TMEM131: variants seen among roughly 807,000 people sequenced by gnomAD.
The protein encoded by TMEM131 is 2610524E03Rik.
In TMEM131, 66 loss-of-function variants were observed where a neutral mutation model predicts 211.6. The observed-to-expected ratio is 0.31, with a 90% CI of 0.26 to 0.38. The LOEUF is 0.38. Among genes scored for constraint, TMEM131 ranks in the 10% least tolerant of loss-of-function variants. TMEM131 has a pLI of 1.00. For synonymous variants in TMEM131, 844 were observed against 841.3 expected (o/e 1.00, Z -0.06); for missense variants, 2,036 against 2,299.3 (o/e 0.89, Z 2.34).
chr2:97,927,279 ATAT>A (rs1298616962), intron 2 of TMEM131, 144 bp downstream of exon 2: 1 of 496,916 alleles, frequency 2.0e-6, no homozygotes, highest in African/African-American at 2.0e-5. Flanking sequence ...AGAGGTTTTT[ATAT>A]TACTAAAGAC....
intron 8 of TMEM131, among the ~76,000 whole-genome samples, chr2:97,835,379 TTAC>T (rs1183177340): frequency 2.4e-4 from 37 of 152,304 alleles, no homozygotes; most frequent in Admixed American, 1.4e-3. Flanking sequence ...CCAGCAGGGC[TTAC>T]ACTGCTCTTT....
At chr2:97,977,032 A>G (rs1679569803) in intron 1 of TMEM131, among the ~76,000 whole-genome samples, 1 of 152,144 alleles carries the variant, frequency 6.6e-6, no homozygotes, top group Admixed American at 6.5e-5. Context: ...AATCAATCAC[A>G]GATCTAAATG....
At chr2:97,989,124 A>G (rs1399002799) in intron 1 of TMEM131, among the ~76,000 whole-genome samples, 1 of 152,230 alleles carries the variant, frequency 6.6e-6, no homozygotes, top group Non-Finnish European at 1.5e-5. Context: ...TTTATGAAAA[A>G]GCAGAAAATT....
intron 31 of TMEM131, among the ~76,000 whole-genome samples, chr2:97,776,790 G>C (rs746146819): frequency 1.3e-4 from 20 of 152,210 alleles, no homozygotes; most frequent in Non-Finnish European, 2.5e-4. Context: ...CAGCAGTGTA[G>C]CCATAATGGC....
At chr2:97,779,936 CTTGAGCCCAGGAGT>C (rs1679917320) in intron 31 of TMEM131, among the ~76,000 whole-genome samples, 1 of 152,152 alleles carries the variant, frequency 6.6e-6, no homozygotes, top group African/African-American at 2.4e-5. Context: ...AGGAGGATCT[CTTGAGCCCAGGAGT>C]TTGAGGTTAT....
chr2:97,992,635 G>C (rs1680316036), intron 1 of TMEM131, among the ~76,000 whole-genome samples: 1 of 151,882 alleles, frequency 6.6e-6, no homozygotes, highest in African/African-American at 2.4e-5. Context: ...GATATATAAT[G>C]CTTTTTTAAA....
At chr2:97,987,472 C>T (rs1680077887) in intron 1 of TMEM131, among the ~76,000 whole-genome samples, 1 of 152,076 alleles carries the variant, frequency 6.6e-6, no homozygotes, top group African/African-American at 2.4e-5. Flanking sequence ...CACTGTACTC[C>T]AGCCTGGCAA....
intron 2 of TMEM131, among the ~76,000 whole-genome samples, chr2:97,914,932 T>G (rs1676445312): frequency 6.6e-6 from 1 of 152,250 alleles, no homozygotes; most frequent in Non-Finnish European, 1.5e-5. Context: ...ACCACATGTT[T>G]AGATTTATAC....
rs1288729390 is a variant in TMEM131 at position 97,835,300 on chromosome 2, C to CCA, written c.805-377_805-376dup. On this transcript the variant is annotated intron_variant, in intron 8 of 40. Coordinates refer to ENST00000186436, the MANE Select transcript of TMEM131 (RefSeq NM_015348.2). ...TATATAACTCAGTCTTGAAATTTAA[C>CCA]CAACAGAAATGTCACCATCAGAGGT... is the stretch of plus-strand genomic sequence containing the variant. Among the ~76,000 whole-genome samples, 8 of 152,236 alleles carry CCA rather than the reference C, an allele frequency of 5.3e-5. No individual in the cohort carries two copies. The East Asian group carries it at 1.5e-3, about 29-fold the overall frequency.
intron 31 of TMEM131, among the ~76,000 whole-genome samples, chr2:97,786,026 A>G (rs1269514848): frequency 1.3e-5 from 2 of 152,162 alleles, no homozygotes; most frequent in East Asian, 1.9e-4. Flanking sequence ...TAGGCTGAAG[A>G]AGGAGGGAAG....
At chr2:97,816,296 G>A (rs914049846) in intron 12 of TMEM131, among the ~76,000 whole-genome samples, 1 of 152,084 alleles carries the variant, frequency 6.6e-6, no homozygotes. Context: ...AGCCGAGATT[G>A]CGCCATTGCA....
intron 1 of TMEM131, among the ~76,000 whole-genome samples, chr2:97,954,606 A>C (rs1218736992): frequency 6.6e-6 from 1 of 152,140 alleles, no homozygotes; most frequent in Non-Finnish European, 1.5e-5. Flanking sequence ...GGAGTTCGAG[A>C]CCAGCCTTAC....
intron 32 of TMEM131, among the ~76,000 whole-genome samples, chr2:97,772,887 C>T (rs756803127): frequency 8.3e-4 from 127 of 152,172 alleles, no homozygotes; most frequent in Non-Finnish European, 1.4e-3. Flanking sequence ...CAGAGCGAGA[C>T]GCCATCTCAA....
intron 4 of TMEM131, among the ~76,000 whole-genome samples, chr2:97,882,158 G>C (rs908961155): frequency 1.3e-5 from 2 of 152,112 alleles, no homozygotes; most frequent in African/African-American, 2.4e-5. Flanking sequence ...TCAAAATTTA[G>C]GAACCTCTTT....
intron 28 of TMEM131, among the ~76,000 whole-genome samples, chr2:97,795,563 G>A (rs1680722016): frequency 6.6e-6 from 1 of 152,030 alleles, no homozygotes; most frequent in African/African-American, 2.4e-5. Flanking sequence ...TTTGCTAATT[G>A]TATGTACCTT....
At chr2:97,934,870 A>C (rs1429055466) in intron 1 of TMEM131, among the ~76,000 whole-genome samples, 2 of 152,194 alleles carry the variant, frequency 1.3e-5, no homozygotes, top group African/African-American at 4.8e-5. Context: ...AAATTAACTC[A>C]AAATACATCA....
At chr2:97,854,197 C>G (rs929629450) in intron 5 of TMEM131, among the ~76,000 whole-genome samples, 1 of 152,156 alleles carries the variant, frequency 6.6e-6, no homozygotes, top group Non-Finnish European at 1.5e-5. Flanking sequence ...GGCCCTCCAC[C>G]AGCAAAAAGA....
At chr2:97,947,572 A>T (rs547237107) in intron 1 of TMEM131, among the ~76,000 whole-genome samples, 32 of 152,164 alleles carry the variant, frequency 2.1e-4, no homozygotes, top group Non-Finnish European at 4.0e-4. Flanking sequence ...CTAAATAAAA[A>T]GAAAGATATA....
intron 1 of TMEM131, among the ~76,000 whole-genome samples, chr2:97,962,992 G>C (rs959758484): frequency 6.6e-6 from 1 of 152,306 alleles, no homozygotes; most frequent in African/African-American, 2.4e-5. Context: ...AATAGTTGTT[G>C]CCTGAGACCA....
Sources: allele counts gnomAD v4.1 joint callset (sites outside exome capture counted in the v4.1 genomes callset), GRCh38; gene constraint gnomAD v4.1.1; transcripts MANE v1.5; gene names NCBI Gene and HGNC (gene_info 2026-07-23, HGNC 2026-07-21).